Variants in MYO1E observed in about 807,000 individuals in gnomAD.
MYO1E encodes myosin IE.
MYO1E carries 68 observed loss-of-function variants against 151.1 expected under a neutral mutation model. The ratio of observed to expected loss-of-function variants is 0.45; its 90% CI spans 0.37 to 0.55. MYO1E has a LOEUF of 0.55. Ranked by LOEUF, MYO1E falls within the 20% of genes least tolerant of loss-of-function variation. The pLI is 0.00. For synonymous variants in MYO1E, 601 were observed against 501.7 expected, an observed-to-expected ratio of 1.20 and a Z score of -2.64; for missense variants, 1,363 against 1,389.3, an observed-to-expected ratio of 0.98 and a Z score of 0.30.
At chr15:59,224,597 C>A (rs1272679101) in intron 8 of MYO1E, 92 bp downstream of exon 8, 1 of 1,527,004 alleles carries the variant, frequency 6.5e-7, no homozygotes, top group Non-Finnish European at 9.1e-7. Context: ...TTTCATGCAG[C>A]TCTTTGCTTT....
chr15:59,341,555 T>A (rs953980780), intron 1 of MYO1E: 1 of 152,256 alleles, frequency 6.6e-6, no homozygotes, highest in Non-Finnish European at 1.5e-5. Context: ...AGTTCAATAC[T>A]TTTAATTTTT....
chr15:59,140,065 GTTGT>G (rs2079400376), intron 26 of MYO1E, among the ~76,000 whole-genome samples: 1 of 129,442 alleles, frequency 7.7e-6, no homozygotes, highest in Admixed American at 8.1e-5. Context: ...GGAATTCTCT[GTTGT>G]GTGTGTGTGT....
At chr15:59,282,810 T>C (rs1321690200) in intron 1 of MYO1E, among the ~76,000 whole-genome samples, 1 of 138,074 alleles carries the variant, frequency 7.2e-6, no homozygotes, top group Non-Finnish European at 1.6e-5. Context: ...ACTGCGTTAC[T>C]GCACTACAGC....
chr15:59,372,108 G>T (rs1159704413), intron 1 of MYO1E, among the ~76,000 whole-genome samples: 2 of 150,616 alleles, frequency 1.3e-5, no homozygotes, highest in Non-Finnish European at 3.0e-5. Flanking sequence ...GCCGCCAGCG[G>T]CTGCGGCGCG....
chr15:59,207,524 T>A (rs770861711), intron 14 of MYO1E: 27 of 1,614,056 alleles, frequency 1.7e-5, no homozygotes, highest in Non-Finnish European at 2.2e-5. Flanking sequence ...TTAACTTATG[T>A]AGCTTGGAAG....
At chr15:59,336,823 T>C (rs1375825670) in intron 1 of MYO1E, among the ~76,000 whole-genome samples, 1 of 151,676 alleles carries the variant, frequency 6.6e-6, no homozygotes, top group Non-Finnish European at 1.5e-5. Context: ...AGCTCCCACT[T>C]GTCAGTGAGA....
In MYO1E at chr15:59,372,817, C is replaced by G; in HGVS notation, c.-317G>C. The G allele has an allele frequency of 2.1e-6, 1 of 483,104 alleles. No homozygotes were observed. The highest frequency in any genetic ancestry group is 3.7e-6 in the Non-Finnish European group (1 of 273,116). 29.9% of individuals were successfully genotyped at this position (483,104 alleles called of 1,614,324 possible). A position where few individuals can be genotyped will look rare whatever the true frequency, so the allele number is the denominator to read the frequency against. On this transcript the variant is annotated 5_prime_UTR_variant, in exon 1 of 28. Coordinates refer to ENST00000288235, the MANE Select transcript of MYO1E (RefSeq NM_004998.4). ...CGCTCGGAGCGTCCGCCTCGCTCCC[C>G]TGCCTCACTCCTCTTTCTTCGGCCA...
intron 4 of MYO1E, among the ~76,000 whole-genome samples, chr15:59,253,252 A>G (rs922647940): frequency 2.0e-5 from 3 of 152,194 alleles, no homozygotes; most frequent in African/African-American, 7.2e-5. Flanking sequence ...ATTTTCCCAC[A>G]TAGTTTTTAT....
rs191148556 is a variant in MYO1E at position 59,250,535 on chromosome 15, G to A, written c.332+5749C>T. Among the ~76,000 whole-genome samples the A allele has an allele frequency of 6.2e-4, 94 of 152,170 alleles. No individual in the cohort carries two copies. In the East Asian group the frequency reaches 0.015, roughly 24 times the overall value. ...AACCTCTTTTGTTTGGCTTTAATTT[G>A]TATCCTCCTTTTGCCAGAACGAAAC... On this transcript the variant is annotated intron_variant, in intron 4 of 27. Coordinates refer to ENST00000288235, the MANE Select transcript of MYO1E (RefSeq NM_004998.4).
chr15:59,296,550 T>C (rs73426914), intron 1 of MYO1E, among the ~76,000 whole-genome samples: 6,975 of 152,270 alleles, frequency 0.046, 433 homozygotes, highest in African/African-American at 0.14. Context: ...CTGGGCTTAA[T>C]TGCCCTTGAA....
At chr15:59,330,450 C>A (rs1420914596) in intron 1 of MYO1E, among the ~76,000 whole-genome samples, 1 of 152,148 alleles carries the variant, frequency 6.6e-6, no homozygotes, top group East Asian at 1.9e-4. Context: ...AGGCAAAGTA[C>A]GTATAACTCA....
At chr15:59,166,061 G>A (rs1474094915) in intron 22 of MYO1E, among the ~76,000 whole-genome samples, 2 of 152,146 alleles carry the variant, frequency 1.3e-5, no homozygotes, top group Non-Finnish European at 2.9e-5. Context: ...AAAAAAGCAA[G>A]CAGGCCAAAA....
Position 59,208,867 on chromosome 15 carries a change from C to G in MYO1E, c.1363-19G>C. On this transcript the variant is annotated intron_variant, in intron 13 of 27. Coordinates refer to ENST00000288235, the MANE Select transcript of MYO1E (RefSeq NM_004998.4). ...GAGGGTTCTGATGGGAGCAAGAAGG[C>G]AAGGCCCTAGTCACTGACCTCTCCA... is the stretch of plus-strand genomic sequence containing the variant. The G allele has an allele frequency of 6.2e-7, 1 of 1,613,890 alleles. No individual in the cohort carries two copies. Among genetic ancestry groups the G allele is most frequent in the Non-Finnish European group, 8.5e-7 (1 of 1,180,038 alleles).
chr15:59,261,234 A>G (rs2080222946), intron 3 of MYO1E, among the ~76,000 whole-genome samples, 186 bp downstream of exon 3: 1 of 151,162 alleles, frequency 6.6e-6, no homozygotes, highest in African/African-American at 2.4e-5. Flanking sequence ...AAATAAAAAT[A>G]AAATAATAAA....
At chr15:59,268,720 A>AGTTTTTTTTTTTTTTTTTTTTTT (rs2080271247) in intron 2 of MYO1E, among the ~76,000 whole-genome samples, 4 of 44,906 alleles carry the variant, frequency 8.9e-5, no homozygotes, top group Admixed American at 3.9e-4. Flanking sequence ...TGACTTTGGT[A>AGTTTTTTTTTTTTTTTTTTTTTT]TTTTTTTTTT....
In MYO1E at chr15:59,262,962, T is replaced by C. The variant is rs537601549; in HGVS notation, c.148-1453A>G. ...GGGATATGACAGTGAACAAAATAAA[T>C]AGAATATATATAACTTCTTGACTTC... On this transcript the variant is annotated intron_variant, in intron 2 of 27. Transcript: ENST00000288235. Among the ~76,000 whole-genome samples, 4 of 152,166 alleles carry C rather than the reference T, an allele frequency of 2.6e-5. No individual in the cohort carries two copies. In the South Asian group the frequency reaches 6.2e-4, roughly 24 times the overall value.
chr15:59,175,207 T>G (rs1469691300), intron 19 of MYO1E, among the ~76,000 whole-genome samples: 1 of 152,178 alleles, frequency 6.6e-6, no homozygotes, highest in African/African-American at 2.4e-5. Context: ...CACGCAAAGC[T>G]TTCTCTGTAA....
chr15:59,155,738 G>A (rs1425053146), intron 25 of MYO1E, among the ~76,000 whole-genome samples: 3 of 152,146 alleles, frequency 2.0e-5, no homozygotes, highest in Admixed American at 6.5e-5. Flanking sequence ...AGACAGAGCC[G>A]GGTCAAGGCA....
chr15:59,206,113 G>A (rs1565018), intron 14 of MYO1E, among the ~76,000 whole-genome samples: 60,100 of 151,398 alleles, frequency 0.4, 12,515 homozygotes, highest in East Asian at 0.62. Flanking sequence ...GCCCCACACA[G>A]CCTGGCATCC....
Sources: gnomAD v4.1 joint callset for allele counts (sites outside exome capture counted in the v4.1 genomes callset) on GRCh38, gnomAD v4.1.1 for gene constraint, MANE v1.5 for transcripts, NCBI Gene and HGNC (gene_info 2026-07-23, HGNC 2026-07-21) for gene names.